The following SLC9C1 variants were observed in gnomAD, a reference collection of about 807,000 sequenced individuals.
The protein encoded by SLC9C1 is sodium/hydrogen exchanger 10.
Under a neutral mutation model 140.9 loss-of-function variants are expected in SLC9C1, and 97 were observed. The observed-to-expected ratio is 0.69, with a 90% CI of 0.58 to 0.82. SLC9C1 has a LOEUF of 0.82. Ranked by LOEUF, SLC9C1 falls within the 40% of genes least tolerant of loss-of-function variation. The probability of loss-of-function intolerance (pLI) is 0.00; values close to 1 mark genes in which losing one functional copy is unlikely to be tolerated. For synonymous variants in SLC9C1, 440 were observed against 442.6 expected, an observed-to-expected ratio of 0.99 and a Z score of 0.07; for missense variants, 1,340 against 1,389.3, an observed-to-expected ratio of 0.96 and a Z score of 0.56.
intron 27 of SLC9C1, among the ~76,000 whole-genome samples, chr3:112,153,849 C>A (rs1053903411): frequency 6.6e-6 from 1 of 152,156 alleles, no homozygotes; most frequent in Non-Finnish European, 1.5e-5. Flanking sequence ...CCATGAATTC[C>A]ATTCAACAGG....
chr3:112,231,408 T>C lies in SLC9C1; in HGVS notation c.1525A>G (p.Thr509Ala), dbSNP rs376856365. 3.7e-5 allele frequency: 59 copies of C among 1,613,466 alleles called. No individual in the cohort carries two copies. In the African/African-American group the frequency reaches 5.9e-4, roughly 16 times the overall value. The change falls in exon 13 of 29, where the codon ACT (threonine) becomes GCT (alanine). Residue 509 changes from threonine to alanine, a missense_variant. By Grantham distance (58) the Thr-to-Ala change is moderately conservative (BLOSUM62 0). Transcript: ENST00000305815. The stretch of plus-strand genomic sequence containing the variant: ...CTGTTGGCCAGCTCCATTGCTTCAG[T>C]GTTAAAGATCTCATCTATTTCCTTG... ...CNKEIDEIFN[T>A]EAMELANRRL...
At chr3:112,276,706 G>A (rs149655802) in intron 5 of SLC9C1, among the ~76,000 whole-genome samples, 35 of 152,050 alleles carry the variant, frequency 2.3e-4, no homozygotes, top group African/African-American at 8.0e-4. Context: ...GGTATCATAA[G>A]AGTCTCTCAA....
intron 10 of SLC9C1, among the ~76,000 whole-genome samples, chr3:112,250,332 T>C (rs2079417626): frequency 1.3e-5 from 2 of 151,536 alleles, no homozygotes; most frequent in South Asian, 4.2e-4. Context: ...TTTGGGTTGG[T>C]TCCAAGTCTT....
rs373520330 is a variant in SLC9C1, at chr3:112,193,073, C to A, written c.2523+6248G>T. Among the ~76,000 whole-genome samples, 19 of 151,948 alleles carry A rather than the reference C, an allele frequency of 1.3e-4. No homozygotes were observed. The East Asian group carries it at 1.4e-3, about 11-fold the overall frequency. ...CTAGGTGGATGCAGTAGTGTAGTCTCCATGTAGTTTGTTCCAACTGGAATC... is the reference window on the plus strand; with the variant it reads ...CTAGGTGGATGCAGTAGTGTAGTCTACATGTAGTTTGTTCCAACTGGAATC... On this transcript the variant is annotated intron_variant, in intron 20 of 28. Transcript: ENST00000305815.
intron 2 of SLC9C1, among the ~76,000 whole-genome samples, chr3:112,284,263 G>GC (rs1418264070): frequency 6.6e-6 from 1 of 152,236 alleles, no homozygotes; most frequent in African/African-American, 2.4e-5. Context: ...ACAGAGAGCT[G>GC]CTTGTGGTTG....
chr3:112,251,389 G>A (rs1013400949), intron 10 of SLC9C1, among the ~76,000 whole-genome samples: 5 of 151,738 alleles, frequency 3.3e-5, no homozygotes, highest in South Asian at 2.1e-4. Context: ...CTCATGAACC[G>A]ACTCCATCAA....
At chr3:112,283,201 G>A (rs1380419257) in intron 2 of SLC9C1, among the ~76,000 whole-genome samples, 1 of 152,118 alleles carries the variant, frequency 6.6e-6, no homozygotes, top group Admixed American at 6.5e-5. Flanking sequence ...AAAGAATGTC[G>A]ACTGGGCATG....
chr3:112,231,394 C>T lies in SLC9C1; in HGVS notation c.1539G>A (p.Glu513=), dbSNP rs2078823707. 3 of 1,613,280 alleles carry T rather than the reference C, an allele frequency of 1.9e-6. No individual in the cohort carries two copies. Among genetic ancestry groups the T allele is most frequent in the African/African-American group, 2.7e-5 (2 of 74,888 alleles). The change falls in exon 13 of 29, where the codon GAG becomes GAA. Residue 513 remains glutamate, a synonymous_variant. Transcript: ENST00000305815. ...IDEIFNTEAM[E]LANRRLLSAQ... Reference sequence around the variant, plus strand: ...CTGACAAGAGACGCCTGTTGGCCAGCTCCATTGCTTCAGTGTTAAAGATCT... The same window carrying T: ...CTGACAAGAGACGCCTGTTGGCCAGTTCCATTGCTTCAGTGTTAAAGATCT...
chr3:112,208,583 T>A (rs1484110633), intron 15 of SLC9C1, among the ~76,000 whole-genome samples: 1 of 152,176 alleles, frequency 6.6e-6, no homozygotes, highest in Non-Finnish European at 1.5e-5. Flanking sequence ...TGAGTCTAGT[T>A]TCTCCTTTTT....
intron 12 of SLC9C1, among the ~76,000 whole-genome samples, chr3:112,238,630 G>A (rs559680443): frequency 4.6e-5 from 7 of 152,268 alleles, no homozygotes; most frequent in East Asian, 1.9e-4. Context: ...TACAGATGGG[G>A]TTTTGGTGTG....
intron 7 of SLC9C1, 80 bp from the exon 8 acceptor site, chr3:112,266,420 A>C: frequency 9.0e-7 from 1 of 1,110,308 alleles, no homozygotes; most frequent in East Asian, 2.7e-5. Context: ...TAAAAGTATC[A>C]GATGTTGTGA....
chr3:112,263,016 A>G lies in SLC9C1; in HGVS notation c.1105T>C (p.Cys369Arg). 6.2e-7 allele frequency: 1 copy of G among 1,608,012 alleles called. No homozygotes were observed. Among genetic ancestry groups the G allele is most frequent in the Non-Finnish European group, 8.5e-7 (1 of 1,177,160 alleles). Residue 369 changes from cysteine (C) to arginine (R), a missense_variant, in exon 10 of 29, where the codon TGT becomes CGT. Coordinates refer to ENST00000305815, the MANE Select transcript of SLC9C1 (RefSeq NM_183061.3). ...TTAGGCATCCCCTTCATTTCACTAC[A>G]GACCATTATGAATATCCAGCGCCAA... ...FSWRWIFIMV[C>R]SEMKGMPNIN...
intron 28 of SLC9C1, among the ~76,000 whole-genome samples, chr3:112,147,252 A>G (rs201832029): frequency 6.6e-6 from 1 of 152,272 alleles, no homozygotes; most frequent in East Asian, 1.9e-4. Flanking sequence ...TTGCCCCTCT[A>G]TGCCTTTTAC....
At chr3:112,142,480 G>T (rs866163812) in intron 28 of SLC9C1, among the ~76,000 whole-genome samples, 5 of 152,014 alleles carry the variant, frequency 3.3e-5, no homozygotes, top group Non-Finnish European at 7.4e-5. Context: ...TTCTTGAACT[G>T]CTTTTATTAT....
chr3:112,184,979 T>A (rs1421145815), intron 20 of SLC9C1, among the ~76,000 whole-genome samples: 1 of 151,888 alleles, frequency 6.6e-6, no homozygotes, highest in Non-Finnish European at 1.5e-5. Context: ...GGGAAGAGAT[T>A]CTCCCCCAGC....
chr3:112,178,757 C>G (rs933995221), intron 23 of SLC9C1, among the ~76,000 whole-genome samples: 3 of 152,152 alleles, frequency 2.0e-5, no homozygotes, highest in Non-Finnish European at 4.4e-5. Flanking sequence ...TTAACATTCA[C>G]TTAGTAGTTT....
intron 26 of SLC9C1, among the ~76,000 whole-genome samples, chr3:112,162,578 G>T (rs1178581724): frequency 3.3e-5 from 5 of 152,190 alleles, no homozygotes; most frequent in Non-Finnish European, 7.3e-5. Flanking sequence ...TACATTTATT[G>T]ATTTGCGTAT....
At chr3:112,209,677 G>T (rs1002600691) in intron 15 of SLC9C1, among the ~76,000 whole-genome samples, 1 of 152,002 alleles carries the variant, frequency 6.6e-6, no homozygotes, top group East Asian at 1.9e-4. Flanking sequence ...ATAAAAATCA[G>T]TTGTATTTCT....
chr3:112,187,075 A>T (rs2107979089), intron 20 of SLC9C1, among the ~76,000 whole-genome samples: 1 of 152,132 alleles, frequency 6.6e-6, no homozygotes, highest in African/African-American at 2.4e-5. Context: ...TGGGCTTTTT[A>T]TAGTGTTATG....
Sources: allele counts gnomAD v4.1 joint callset (sites outside exome capture counted in the v4.1 genomes callset), GRCh38; gene constraint gnomAD v4.1.1; transcripts MANE v1.5; gene names NCBI Gene and HGNC (gene_info 2026-07-23, HGNC 2026-07-21).